WDR70: variants seen among roughly 807,000 people sequenced by gnomAD.
WDR70 encodes WD repeat-containing protein 70.
Under a neutral mutation model 88.6 loss-of-function variants are expected in WDR70, and 53 were observed. The observed-to-expected ratio is 0.60, with a 90% CI of 0.48 to 0.75. The LOEUF (loss-of-function observed/expected upper bound fraction) is 0.75. Among genes scored for constraint, WDR70 ranks in the 30% least tolerant of loss-of-function variants. The pLI is 0.00. For synonymous variants in WDR70, 280 were observed against 270.0 expected (o/e 1.04, Z -0.36); for missense variants, 610 against 823.2 (o/e 0.74, Z 3.17).
chr5:37,524,435 G>C (rs1311119334), intron 9 of WDR70, among the ~76,000 whole-genome samples: 1 of 152,128 alleles, frequency 6.6e-6, no homozygotes, highest in East Asian at 1.9e-4. Flanking sequence ...AATGCTGAGA[G>C]ATTTTGTCAC....
intron 13 of WDR70, among the ~76,000 whole-genome samples, chr5:37,720,684 A>G (rs1275743817): frequency 6.6e-6 from 1 of 152,110 alleles, no homozygotes. Context: ...ATCTTTGTGA[A>G]CTAAAAACAA....
intron 8 of WDR70, among the ~76,000 whole-genome samples, chr5:37,488,874 G>A (rs1044705328): frequency 3.3e-5 from 5 of 152,010 alleles, no homozygotes; most frequent in Non-Finnish European, 7.4e-5. Context: ...TGTGTTTCTT[G>A]TGTTCTTACA....
chr5:37,523,326 A>T (rs1240824385), intron 9 of WDR70, among the ~76,000 whole-genome samples: 2 of 152,214 alleles, frequency 1.3e-5, no homozygotes, highest in Non-Finnish European at 2.9e-5. Flanking sequence ...GTTCAGCAAT[A>T]TTCGCTGTTC....
At chr5:37,727,091 A>T in intron 17 of WDR70, 46 bp downstream of exon 17, 1 of 1,571,376 alleles carries the variant, frequency 6.4e-7, no homozygotes, top group Non-Finnish European at 8.6e-7. Flanking sequence ...ATGTTTAATG[A>T]ATTGGGGAGA....
chr5:37,589,131 G>A (rs1157133936), intron 9 of WDR70, among the ~76,000 whole-genome samples: 2 of 151,918 alleles, frequency 1.3e-5, no homozygotes, highest in Non-Finnish European at 2.9e-5. Flanking sequence ...GGCCTCAAGT[G>A]ATGCTCCTGC....
At chr5:37,564,565 G>A (rs1038959244) in intron 9 of WDR70, among the ~76,000 whole-genome samples, 20 of 147,550 alleles carry the variant, frequency 1.4e-4, no homozygotes, top group Middle Eastern at 6.8e-3. Flanking sequence ...CGTGGGGAGA[G>A]GGAGAGGGAG....
chr5:37,726,938 G>A lies in WDR70; in HGVS notation c.1770G>A (p.Lys590=). ...HGGTLSSYIV[K]NIALDKTDDS... is the part of the protein sequence containing the mutation. ...GCACTCTCTCTTCCTATATTGTGAA[G>A]AACATTGCTTTGGACAAGACCGATG... The change falls in exon 17 of 18, where the codon AAG becomes AAA. Residue 590 remains lysine, a synonymous_variant. Coordinates refer to ENST00000265107, the MANE Select transcript of WDR70 (RefSeq NM_018034.4). 2.5e-6 allele frequency: 4 copies of A among 1,611,704 alleles called. No homozygotes were observed. In the East Asian group the frequency reaches 8.9e-5, roughly 36 times the overall value.
At chr5:37,414,564 T>G (rs1381254177) in intron 5 of WDR70, among the ~76,000 whole-genome samples, 1 of 152,014 alleles carries the variant, frequency 6.6e-6, no homozygotes, top group Non-Finnish European at 1.5e-5. Context: ...TTATTGTCTT[T>G]CTTCACATAA....
chr5:37,591,548 G>A (rs1226348279), intron 9 of WDR70, among the ~76,000 whole-genome samples: 2 of 152,186 alleles, frequency 1.3e-5, no homozygotes, highest in African/African-American at 2.4e-5. Flanking sequence ...AAGACTGGAT[G>A]TGTAATTAAA....
intron 10 of WDR70, among the ~76,000 whole-genome samples, chr5:37,689,239 C>G (rs968100764): frequency 6.6e-6 from 1 of 152,250 alleles, no homozygotes; most frequent in Non-Finnish European, 1.5e-5. Context: ...CCTCTATGCA[C>G]TCCACCTCTG....
chr5:37,497,033 C>A (rs1740237751), intron 8 of WDR70, among the ~76,000 whole-genome samples: 2 of 152,170 alleles, frequency 1.3e-5, no homozygotes, highest in Non-Finnish European at 2.9e-5. Flanking sequence ...TCTTTTATTG[C>A]AAATCATGAA....
At chr5:37,597,375 T>A (rs1743734519) in intron 9 of WDR70, among the ~76,000 whole-genome samples, 1 of 152,146 alleles carries the variant, frequency 6.6e-6, no homozygotes, top group Non-Finnish European at 1.5e-5. Context: ...GCTTTTTTTT[T>A]AAAGCCATTC....
At chr5:37,459,342 T>A (rs1388915655) in intron 7 of WDR70, among the ~76,000 whole-genome samples, 1 of 148,334 alleles carries the variant, frequency 6.7e-6, no homozygotes, top group Non-Finnish European at 1.5e-5. Context: ...GTCTATTAGG[T>A]CCGCTTGGTG....
intron 13 of WDR70, among the ~76,000 whole-genome samples, chr5:37,703,596 A>G (rs986260459): frequency 1.1e-5 from 1 of 89,094 alleles, no homozygotes; most frequent in Non-Finnish European, 2.7e-5. Flanking sequence ...TTTCAGATTT[A>G]ACTTCAACAC....
At chr5:37,595,254 A>G (rs1743667331) in intron 9 of WDR70, among the ~76,000 whole-genome samples, 1 of 152,208 alleles carries the variant, frequency 6.6e-6, no homozygotes, top group Non-Finnish European at 1.5e-5. Flanking sequence ...GAGTTTAGCA[A>G]GGTCACAGGA....
At chr5:37,695,905 C>T (rs756445456) in intron 10 of WDR70, among the ~76,000 whole-genome samples, 1 of 152,186 alleles carries the variant, frequency 6.6e-6, no homozygotes, top group East Asian at 1.9e-4. Flanking sequence ...CTGAAATACT[C>T]TTTCTTGCCC....
intron 10 of WDR70, among the ~76,000 whole-genome samples, chr5:37,652,414 C>T (rs1745435280): frequency 1.3e-5 from 2 of 152,200 alleles, no homozygotes; most frequent in South Asian, 4.1e-4. Context: ...ATTGCCTTGG[C>T]TATGTGGGCT....
chr5:37,388,361 C>G (rs978847158), intron 3 of WDR70, among the ~76,000 whole-genome samples: 26 of 151,368 alleles, frequency 1.7e-4, no homozygotes, highest in Non-Finnish European at 7.4e-5. Context: ...CGTGATCTGC[C>G]TGCCGCAGCC....
chr5:37,566,048 A>G (rs921335476), intron 9 of WDR70, among the ~76,000 whole-genome samples: 3 of 152,112 alleles, frequency 2.0e-5, no homozygotes, highest in South Asian at 2.1e-4. Flanking sequence ...TTGTGCAACC[A>G]TCATCTAGTT....
Sources: allele counts gnomAD v4.1 joint callset (sites outside exome capture counted in the v4.1 genomes callset), GRCh38; gene constraint gnomAD v4.1.1; transcripts MANE v1.5; gene names NCBI Gene and HGNC (gene_info 2026-07-23, HGNC 2026-07-21).